Variants in TNRC6B observed in about 807,000 individuals in gnomAD.
TNRC6B encodes the protein trinucleotide repeat-containing gene 6B protein.
TNRC6B carries 52 observed loss-of-function variants against 203.6 expected under a neutral mutation model. The observed-to-expected ratio is 0.26, with a 90% CI of 0.20 to 0.32. The LOEUF is 0.32. Ranked by LOEUF, TNRC6B falls within the 10% of genes least tolerant of loss-of-function variation. TNRC6B has a pLI of 1.00. For synonymous variants in TNRC6B, 838 were observed against 845.7 expected, an observed-to-expected ratio of 0.99 and a Z score of 0.16; for missense variants, 1,923 against 2,286.2, an observed-to-expected ratio of 0.84 and a Z score of 3.24.
At chr22:40,296,631 CTT>C (rs75183000) in intron 12 of TNRC6B, among the ~76,000 whole-genome samples, 1 of 140,956 alleles carries the variant, frequency 7.1e-6, no homozygotes, top group Non-Finnish European at 1.5e-5. Flanking sequence ...CGCGCCCGGC[CTT>C]TTTTTTTTTT....
intron 1 of TNRC6B, among the ~76,000 whole-genome samples, chr22:40,068,676 CTTG>C (rs2067918994): frequency 6.6e-6 from 1 of 151,940 alleles, no homozygotes; most frequent in Admixed American, 6.6e-5. Flanking sequence ...TTTTCGTTGT[CTTG>C]TTTTCTTTTC....
chr22:40,326,742 A>G lies in TNRC6B; in HGVS notation c.*3501A>G, dbSNP rs1203985507. 6.6e-6 allele frequency: 1 copy of G among 152,654 alleles called. No individual in the cohort carries two copies. The highest frequency in any genetic ancestry group is 1.5e-5 in the Non-Finnish European group (1 of 68,044). 9.5% of individuals were successfully genotyped at this position (152,654 alleles called of 1,614,324 possible). ...GAGAATCTATGTAAAGAGTTAGGAAATATAGGTTAATAATTTTTGGAACAA... is the reference window on the plus strand; with the variant it reads ...GAGAATCTATGTAAAGAGTTAGGAAGTATAGGTTAATAATTTTTGGAACAA... On this transcript the variant is annotated 3_prime_UTR_variant, in exon 23 of 23. Coordinates refer to ENST00000454349, the MANE Select transcript of TNRC6B (RefSeq NM_001162501.2).
chr22:40,086,057 G>A (rs1008409146), intron 1 of TNRC6B, among the ~76,000 whole-genome samples: 1 of 152,078 alleles, frequency 6.6e-6, no homozygotes, highest in African/African-American at 2.4e-5. Context: ...TTTTTGTAGA[G>A]ACGGGGTCTT....
intron 1 of TNRC6B, 97 bp from the exon 2 acceptor site, chr22:40,245,918 A>G: frequency 1.3e-6 from 1 of 797,004 alleles, no homozygotes; most frequent in Non-Finnish European, 1.9e-6. Context: ...CAGAGATGAA[A>G]TGTCGTCTTG....
intron 3 of TNRC6B, among the ~76,000 whole-genome samples, chr22:40,138,117 A>G (rs1360238106): frequency 6.6e-6 from 1 of 152,190 alleles, no homozygotes; most frequent in African/African-American, 2.4e-5. Context: ...CTTTTGAAAT[A>G]AGGCAGTAAC....
At chr22:40,264,164 G>A (rs1407002609) in intron 4 of TNRC6B, among the ~76,000 whole-genome samples, 6 of 152,214 alleles carry the variant, frequency 3.9e-5, no homozygotes, top group Non-Finnish European at 7.4e-5. Flanking sequence ...AAGTAGTATC[G>A]AATATTGACA....
chr22:40,138,595 T>G (rs77807291), intron 3 of TNRC6B, among the ~76,000 whole-genome samples: 1 of 152,156 alleles, frequency 6.6e-6, no homozygotes, highest in Non-Finnish European at 1.5e-5. Context: ...TGGGTGTGGA[T>G]TTTGAAATAC....
intron 1 of TNRC6B, among the ~76,000 whole-genome samples, chr22:40,045,287 C>T (rs1326415598): frequency 6.8e-6 from 1 of 146,040 alleles, no homozygotes; most frequent in Non-Finnish European, 1.5e-5. Context: ...CGGGGAGGGA[C>T]TCGGGGCGAC....
At chr22:40,267,154 C>G (rs1395882724) in intron 5 of TNRC6B, 118 bp downstream of exon 5, 1 of 1,089,248 alleles carries the variant, frequency 9.2e-7, no homozygotes, top group Non-Finnish European at 1.3e-6. Context: ...CCTACAGTTT[C>G]TACTCTGTTG....
At chr22:40,176,249 C>G (rs2146374138), upstream of TNRC6B, among the ~76,000 whole-genome samples, 1 of 152,072 alleles carries the variant, frequency 6.6e-6, no homozygotes, top group South Asian at 2.1e-4. Flanking sequence ...TAAGCTCAGC[C>G]TCCCTAGTAG....
chr22:40,246,032 G>A lies in TNRC6B; in HGVS notation c.23G>A (p.Arg8Lys), dbSNP rs2146471014. 6.5e-7 allele frequency: 1 copy of A among 1,548,082 alleles called. No individual in the cohort carries two copies. Among genetic ancestry groups the A allele is most frequent in the Non-Finnish European group, 8.7e-7 (1 of 1,145,548 alleles). The change falls in exon 2 of 23, where the codon AGG (arginine) becomes AAG (lysine). Residue 8 changes from arginine (R) to lysine (K), a missense_variant. Coordinates refer to ENST00000454349, the MANE Select transcript of TNRC6B (RefSeq NM_001162501.2). MREKEQE[R>K]EEQLMEDKKR... Reference sequence around the variant, plus strand: ...TTTAATAGAGAGAAGGAGCAAGAAAGGGAAGAACAGTTAATGGAAGACAAG... The same window carrying A: ...TTTAATAGAGAGAAGGAGCAAGAAAAGGAAGAACAGTTAATGGAAGACAAG...
intron 12 of TNRC6B, among the ~76,000 whole-genome samples, chr22:40,288,635 C>G (rs1020618429): frequency 6.6e-6 from 1 of 151,908 alleles, no homozygotes; most frequent in Admixed American, 6.6e-5. Flanking sequence ...CTCCGCCTCC[C>G]AAGTTCAAGT....
chr22:40,126,509 T>C (rs1474220069), intron 3 of TNRC6B, among the ~76,000 whole-genome samples: 1 of 152,050 alleles, frequency 6.6e-6, no homozygotes, highest in Non-Finnish European at 1.5e-5. Context: ...TTTGGTTTTC[T>C]GTTTCTGTGT....
At chr22:40,066,504 A>G (rs1440056371) in intron 1 of TNRC6B, among the ~76,000 whole-genome samples, 1 of 152,132 alleles carries the variant, frequency 6.6e-6, no homozygotes, top group African/African-American at 2.4e-5. Flanking sequence ...GTATGTTTTC[A>G]GGTCTGGATA....
At chr22:40,268,332 C>T (rs2146504032) in intron 5 of TNRC6B, among the ~76,000 whole-genome samples, 1 of 152,228 alleles carries the variant, frequency 6.6e-6, no homozygotes, top group East Asian at 1.9e-4. Flanking sequence ...GTGATCCACC[C>T]GCCTCAGTCT....
chr22:40,251,338 G>A (rs1313394583), intron 3 of TNRC6B, 138 bp downstream of exon 3: 8 of 605,724 alleles, frequency 1.3e-5, no homozygotes, highest in Non-Finnish European at 1.9e-5. Context: ...AGTCACTGAG[G>A]AGCAGTAATG....
At chr22:40,176,060 A>G (rs2069053179), upstream of TNRC6B, among the ~76,000 whole-genome samples, 1 of 151,544 alleles carries the variant, frequency 6.6e-6, no homozygotes, top group African/African-American at 2.4e-5. Flanking sequence ...ACACTAGGGA[A>G]TCCTCCCTTT....
chr22:40,262,188 G>A lies in TNRC6B; in HGVS notation c.457+15G>A. 1 of 1,366,330 alleles carries A rather than the reference G, an allele frequency of 7.3e-7. No individual in the cohort carries two copies. The highest frequency in any genetic ancestry group is 9.6e-7 in the Non-Finnish European group (1 of 1,044,076). 84.6% of individuals were successfully genotyped at this position (1,366,330 alleles called of 1,614,324 possible). On this transcript the variant is annotated intron_variant, in intron 4 of 22. Coordinates refer to ENST00000454349, the MANE Select transcript of TNRC6B (RefSeq NM_001162501.2). ...GACTGCGCCAGGTAAGGCACCCTGT[G>A]AATCGAATGCATGGCAGCTTGACAG...
At chr22:40,311,143 G>A (rs1327213582) in intron 17 of TNRC6B, 150 bp downstream of exon 17, 3 of 965,728 alleles carry the variant, frequency 3.1e-6, no homozygotes, top group Non-Finnish European at 4.5e-6. Flanking sequence ...AGCAAGGCAT[G>A]TGCTGTGGGA....
Sources: allele counts gnomAD v4.1 joint callset (sites outside exome capture counted in the v4.1 genomes callset), GRCh38; gene constraint gnomAD v4.1.1; transcripts MANE v1.5; gene names NCBI Gene and HGNC (gene_info 2026-07-23, HGNC 2026-07-21).